DENND1A: variants seen among roughly 807,000 people sequenced by gnomAD.
DENND1A encodes the protein DENN domain containing 1A, also known as DENN domain-containing protein 1A.
In DENND1A, 51 loss-of-function variants were observed where a neutral mutation model predicts 113.7. The ratio of observed to expected loss-of-function variants is 0.45; its 90% confidence interval spans 0.36 to 0.57. The LOEUF is 0.57. Ranked by LOEUF, DENND1A falls within the 20% of genes least tolerant of loss-of-function variation. The probability of loss-of-function intolerance (pLI) is 0.00; values close to 1 mark genes in which losing one functional copy is unlikely to be tolerated. For synonymous variants in DENND1A, 565 were observed against 570.8 expected (o/e 0.99, Z 0.14); for missense variants, 1,258 against 1,395.9 (o/e 0.90, Z 1.57).
Position 123,382,255 on chromosome 9 carries a change from T to C in DENND1A, c.2390A>G (p.Glu797Gly), listed in dbSNP as rs774275724. ...CCTGTCCCGATCCGTCTGCAGCCGC[T>C]CTGAGACGTCACCAAGTGCGGCGCC... ...AAGAALGDVS[E>G]RLQTDRDRRA... is the part of the protein sequence containing the mutation. Residue 797 changes from glutamate to glycine, a missense_variant, in exon 24 of 24, where the codon GAG becomes GGG. Physicochemically the swap from Glu to Gly is moderately conservative, Grantham distance 98 (BLOSUM62 -2). Transcript: ENST00000394215. 1 of 1,610,370 alleles carries C rather than the reference T, an allele frequency of 6.2e-7. No homozygotes were observed. Among genetic ancestry groups the C allele is most frequent in the Non-Finnish European group, 8.5e-7 (1 of 1,179,620 alleles).
chr9:123,859,884 T>C (rs1191246409), intron 2 of DENND1A, among the ~76,000 whole-genome samples: 3 of 152,118 alleles, frequency 2.0e-5, no homozygotes, highest in Non-Finnish European at 4.4e-5. Context: ...AGGGAAAGGA[T>C]GGAGCATGGA....
chr9:123,662,072 C>T (rs1185528628), intron 8 of DENND1A, among the ~76,000 whole-genome samples: 4 of 152,088 alleles, frequency 2.6e-5, no homozygotes, highest in East Asian at 1.9e-4. Context: ...AAAACAGGCC[C>T]GTAGCAAGGC....
chr9:123,747,445 T>C (rs561483124), intron 5 of DENND1A, among the ~76,000 whole-genome samples: 2 of 152,314 alleles, frequency 1.3e-5, no homozygotes, highest in Non-Finnish European at 2.9e-5. Context: ...CTTTGTATTA[T>C]AGATAAGGGA....
At chr9:123,882,189 C>T (rs1287622130) in intron 1 of DENND1A, among the ~76,000 whole-genome samples, 1 of 152,062 alleles carries the variant, frequency 6.6e-6, no homozygotes, top group Non-Finnish European at 1.5e-5. Context: ...CTCCCTTACC[C>T]AGCTGCCTAC....
intron 9 of DENND1A, among the ~76,000 whole-genome samples, chr9:123,640,075 T>C (rs1179429891): frequency 1.3e-5 from 2 of 152,220 alleles, no homozygotes; most frequent in Admixed American, 1.3e-4. Context: ...ACTGCTTCTG[T>C]GCTCTGATCT....
chr9:123,445,586 G>A (rs1375149523), intron 18 of DENND1A, among the ~76,000 whole-genome samples: 2 of 152,224 alleles, frequency 1.3e-5, no homozygotes, highest in African/African-American at 4.8e-5. Context: ...AGAAGACAGA[G>A]AGGGCCACAT....
chr9:123,436,072 C>T (rs1413609031), intron 19 of DENND1A, among the ~76,000 whole-genome samples: 2 of 152,188 alleles, frequency 1.3e-5, no homozygotes, highest in Non-Finnish European at 2.9e-5. Flanking sequence ...GGGAGGACAC[C>T]ACTCACTCAC....
chr9:123,894,437 T>C (rs1219268522), intron 1 of DENND1A, among the ~76,000 whole-genome samples: 1 of 152,072 alleles, frequency 6.6e-6, no homozygotes, highest in Non-Finnish European at 1.5e-5. Flanking sequence ...AGACAAAACA[T>C]AAAATGTAAA....
intron 5 of DENND1A, among the ~76,000 whole-genome samples, chr9:123,740,850 G>A (rs192616389): frequency 8.9e-5 from 13 of 145,464 alleles, no homozygotes; most frequent in Admixed American, 6.2e-4. Context: ...TACTTTCTGC[G>A]GAAGAAATAA....
At chr9:123,577,830 C>A (rs1337276680) in intron 12 of DENND1A, among the ~76,000 whole-genome samples, 1 of 152,128 alleles carries the variant, frequency 6.6e-6, no homozygotes, top group African/African-American at 2.4e-5. Context: ...CTCTCTTGTG[C>A]CTCTCAAAGC....
chr9:123,507,615 G>A (rs181933191), intron 13 of DENND1A, among the ~76,000 whole-genome samples: 284 of 151,972 alleles, frequency 1.9e-3, no homozygotes, highest in African/African-American at 6.5e-3. Context: ...TTGGGAGGCC[G>A]AGGGGGGCAG....
At chr9:123,920,739 T>TC (rs1856091383) in intron 1 of DENND1A, among the ~76,000 whole-genome samples, 1 of 151,814 alleles carries the variant, frequency 6.6e-6, no homozygotes, top group Non-Finnish European at 1.5e-5. Context: ...TTTGTAATTT[T>TC]TTTTTTTTTT....
chr9:123,540,726 G>A (rs1449560750), intron 13 of DENND1A, among the ~76,000 whole-genome samples: 2 of 152,198 alleles, frequency 1.3e-5, no homozygotes, highest in Non-Finnish European at 2.9e-5. Flanking sequence ...ACATGCTGCT[G>A]ACAGCAGGGA....
chr9:123,525,709 G>A (rs1167275244), intron 13 of DENND1A, among the ~76,000 whole-genome samples: 1 of 151,402 alleles, frequency 6.6e-6, no homozygotes, highest in Non-Finnish European at 1.5e-5. Flanking sequence ...CCCAGCATTA[G>A]GGCCAAAGAA....
chr9:123,637,159 C>T (rs950068638), intron 9 of DENND1A, among the ~76,000 whole-genome samples: 1 of 152,226 alleles, frequency 6.6e-6, no homozygotes, highest in Non-Finnish European at 1.5e-5. Context: ...CAAACCAACA[C>T]CTGCTTCACA....
At chr9:123,728,479 C>CAGAAAAA (rs2067884144) in intron 5 of DENND1A, among the ~76,000 whole-genome samples, 4 of 25,182 alleles carry the variant, frequency 1.6e-4, no homozygotes, top group African/African-American at 6.0e-4. Context: ...CTCTGTCTCC[C>CAGAAAAA]AAAAAAAAAA....
intron 9 of DENND1A, among the ~76,000 whole-genome samples, chr9:123,648,869 C>T (rs1484146004): frequency 6.6e-6 from 1 of 152,014 alleles, no homozygotes; most frequent in African/African-American, 2.4e-5. Flanking sequence ...TTATTGATTC[C>T]CCAGAGATGC....
At chr9:123,801,511 G>T (rs934685878) in intron 2 of DENND1A, among the ~76,000 whole-genome samples, 2 of 152,114 alleles carry the variant, frequency 1.3e-5, no homozygotes, top group Admixed American at 6.5e-5. Context: ...ATACCACATT[G>T]CTTATTATTC....
At chr9:123,925,483 GTTGTT>G (rs1361906970) in intron 1 of DENND1A, among the ~76,000 whole-genome samples, 1 of 151,800 alleles carries the variant, frequency 6.6e-6, no homozygotes, top group Non-Finnish European at 1.5e-5. Context: ...TGTTTTTTTT[GTTGTT>G]TTGTTTTGTT....
Sources: gnomAD v4.1 joint callset for allele counts (sites outside exome capture counted in the v4.1 genomes callset) on GRCh38, gnomAD v4.1.1 for gene constraint, MANE v1.5 for transcripts, NCBI Gene and HGNC (gene_info 2026-07-23, HGNC 2026-07-21) for gene names.